CACNA2D3: variants seen among roughly 807,000 people sequenced by gnomAD.
The protein encoded by CACNA2D3 is voltage-dependent calcium channel subunit alpha-2/delta-3.
CACNA2D3 carries 60 observed loss-of-function variants against 160.6 expected under a neutral mutation model. That is an observed-to-expected ratio of 0.37 (90% confidence interval 0.30 to 0.46). The LOEUF (loss-of-function observed/expected upper bound fraction) is 0.46. Ranked by LOEUF, CACNA2D3 falls within the 20% of genes least tolerant of loss-of-function variation. The pLI, the probability that CACNA2D3 is intolerant of heterozygous loss-of-function variation, is 1.00. For missense variants in CACNA2D3, 1,205 were observed against 1,365.0 expected, an observed-to-expected ratio of 0.88 and a Z score of 1.85; for synonymous variants, 558 against 492.9, an observed-to-expected ratio of 1.13 and a Z score of -1.75.
intron 3 of CACNA2D3, among the ~76,000 whole-genome samples, chr3:54,346,848 C>G (rs1292695518): frequency 6.6e-6 from 1 of 152,120 alleles, no homozygotes; most frequent in Non-Finnish European, 1.5e-5. Context: ...AACCTTTGAT[C>G]CTTTTACTGT....
intron 13 of CACNA2D3, among the ~76,000 whole-genome samples, chr3:54,805,096 G>T (rs1054873893): frequency 7.9e-5 from 12 of 152,294 alleles, no homozygotes; most frequent in African/African-American, 2.9e-4. Flanking sequence ...ACAAGAGAAA[G>T]CAGGAAAGAT....
At chr3:54,565,445 T>C (rs1469075282) in intron 6 of CACNA2D3, among the ~76,000 whole-genome samples, 1 of 152,148 alleles carries the variant, frequency 6.6e-6, no homozygotes, top group Non-Finnish European at 1.5e-5. Context: ...CATTTCTGCA[T>C]GGCTTCACAC....
At chr3:54,642,677 C>G (rs1426160829) in intron 11 of CACNA2D3, among the ~76,000 whole-genome samples, 2 of 152,128 alleles carry the variant, frequency 1.3e-5, no homozygotes, top group Admixed American at 6.5e-5. Flanking sequence ...AGAAACTTCT[C>G]TCTATCTCCC....
At chr3:55,020,956 C>A (rs1208407191) in intron 35 of CACNA2D3, among the ~76,000 whole-genome samples, 1 of 151,732 alleles carries the variant, frequency 6.6e-6, no homozygotes, top group Non-Finnish European at 1.5e-5. Context: ...GATACTTTTT[C>A]TTCCTTGCAC....
chr3:54,838,727 C>T (rs890566195), intron 16 of CACNA2D3, 79 bp downstream of exon 16: 2 of 1,087,764 alleles, frequency 1.8e-6, no homozygotes, highest in Admixed American at 3.4e-5. Context: ...AGGCTTCAAA[C>T]TCTACTTTGG....
At chr3:54,438,883 T>G (rs75476805) in intron 4 of CACNA2D3, among the ~76,000 whole-genome samples, 2,179 of 152,288 alleles carry the variant, frequency 0.014, 43 homozygotes, top group African/African-American at 0.048. Flanking sequence ...ACATTTTGTT[T>G]TAGTTTTCTG....
At chr3:54,260,558 A>G (rs1185432619) in intron 2 of CACNA2D3, among the ~76,000 whole-genome samples, 1 of 152,136 alleles carries the variant, frequency 6.6e-6, no homozygotes, top group Non-Finnish European at 1.5e-5. Flanking sequence ...TTACTTCTCA[A>G]AGGTTTTACC....
intron 2 of CACNA2D3, among the ~76,000 whole-genome samples, chr3:54,151,265 G>T (rs1318522089): frequency 6.6e-6 from 1 of 151,962 alleles, no homozygotes; most frequent in Non-Finnish European, 1.5e-5. Flanking sequence ...ATGGACCGGT[G>T]GGTGAATAGA....
intron 3 of CACNA2D3, among the ~76,000 whole-genome samples, chr3:54,346,115 G>C (rs187950233): frequency 8.5e-5 from 13 of 152,300 alleles, no homozygotes; most frequent in Non-Finnish European, 1.3e-4. Context: ...TGATGACCCT[G>C]CCTTGAAGTT....
At chr3:54,567,655 C>G (rs1336292088) in intron 6 of CACNA2D3, among the ~76,000 whole-genome samples, 1 of 152,192 alleles carries the variant, frequency 6.6e-6, no homozygotes. Flanking sequence ...CCTGCCTCAA[C>G]CTGCCAAGTA....
chr3:54,146,514 T>A (rs1700031464), intron 2 of CACNA2D3, among the ~76,000 whole-genome samples: 1 of 152,198 alleles, frequency 6.6e-6, no homozygotes, highest in Non-Finnish European at 1.5e-5. Flanking sequence ...GGGAGCAATG[T>A]TTGTGTCCAG....
chr3:54,162,842 G>T (rs1269195849), intron 2 of CACNA2D3, among the ~76,000 whole-genome samples: 3 of 152,176 alleles, frequency 2.0e-5, no homozygotes, highest in Non-Finnish European at 4.4e-5. Flanking sequence ...TGCTGGTGCA[G>T]AAATGGATGA....
chr3:54,207,340 A>C (rs1343332910), intron 2 of CACNA2D3, among the ~76,000 whole-genome samples: 1 of 150,772 alleles, frequency 6.6e-6, no homozygotes, highest in East Asian at 2.0e-4. Context: ...TGCCAAGGTC[A>C]CACAGCTAGC....
At chr3:54,967,663 C>T (rs1702182268) in intron 27 of CACNA2D3, among the ~76,000 whole-genome samples, 1 of 152,126 alleles carries the variant, frequency 6.6e-6, no homozygotes, top group Non-Finnish European at 1.5e-5. Flanking sequence ...GCATTTTGCC[C>T]TTACCATTTT....
intron 13 of CACNA2D3, among the ~76,000 whole-genome samples, chr3:54,799,034 A>C (rs961196990): frequency 6.6e-6 from 1 of 152,210 alleles, no homozygotes; most frequent in African/African-American, 2.4e-5. Flanking sequence ...ATAGTTTATG[A>C]AAGTGGTGAT....
At chr3:54,951,982 G>A (rs188113365) in intron 27 of CACNA2D3, among the ~76,000 whole-genome samples, 11 of 152,230 alleles carry the variant, frequency 7.2e-5, no homozygotes, top group African/African-American at 1.4e-4. Context: ...CCAAGTAGCC[G>A]GGACTACAGG....
chr3:54,774,053 A>G (rs147417417), intron 13 of CACNA2D3, among the ~76,000 whole-genome samples: 3 of 152,330 alleles, frequency 2.0e-5, no homozygotes, highest in East Asian at 3.9e-4. Context: ...ATCATACAAC[A>G]TGATGGCTTA....
chr3:54,239,863 T>A (rs1701944323), intron 2 of CACNA2D3, among the ~76,000 whole-genome samples: 1 of 152,234 alleles, frequency 6.6e-6, no homozygotes, highest in African/African-American at 2.4e-5. Flanking sequence ...ACAATAACTA[T>A]CAACCTAGTT....
chr3:55,007,409 G>A (rs1423853267), intron 32 of CACNA2D3, among the ~76,000 whole-genome samples: 1 of 152,180 alleles, frequency 6.6e-6, no homozygotes. Context: ...CCAAGAGGCT[G>A]CCCTGTAAAT....
Sources: allele counts gnomAD v4.1 joint callset (sites outside exome capture counted in the v4.1 genomes callset), GRCh38; gene constraint gnomAD v4.1.1; transcripts MANE v1.5; gene names NCBI Gene and HGNC (gene_info 2026-07-23, HGNC 2026-07-21).